The following SLC7A8 variants were observed in gnomAD, a reference collection of about 807,000 sequenced individuals.
The protein encoded by SLC7A8 is solute carrier family 7 member 8.
In SLC7A8, 30 loss-of-function variants were observed where a neutral mutation model predicts 51.2. The observed-to-expected ratio is 0.59, with a 90% confidence interval of 0.44 to 0.80. SLC7A8 has a LOEUF of 0.80. Ranked by LOEUF, SLC7A8 falls within the 30% of genes least tolerant of loss-of-function variation. The probability of loss-of-function intolerance (pLI) is 0.00; values close to 1 mark genes in which losing one functional copy is unlikely to be tolerated. For synonymous variants in SLC7A8, 257 were observed against 275.8 expected, an observed-to-expected ratio of 0.93 and a Z score of 0.67; for missense variants, 612 against 674.4, an observed-to-expected ratio of 0.91 and a Z score of 1.03.
intron 6 of SLC7A8, chr14:23,138,333 C>T (rs1027415480): frequency 3.6e-6 from 1 of 281,482 alleles, no homozygotes; most frequent in South Asian, 4.7e-5. Context: ...CCTAAGATTA[C>T]ACACCCAGCG....
At position 23,165,317 on chromosome 14, in the gene SLC7A8, G is replaced by C; in HGVS notation, c.476C>G (p.Ser159Cys). ...GATGGCAGCCAGGAGCCGAAGGCCA[G>C]ACTCTGGGGGGAAGCAGGTGGGGAA... ...PLFPTCFPPESGLRLLAAICL... is the reference protein window; with the variant it reads ...PLFPTCFPPECGLRLLAAICL... Residue 159 changes from serine to cysteine, a missense_variant, in exon 3 of 11, where the codon TCT (serine) becomes TGT (cysteine). Coordinates refer to ENST00000316902, the MANE Select transcript of SLC7A8 (RefSeq NM_012244.4). The surrounding 1 kb of genome is among the most constrained non-coding windows in gnomAD (Gnocchi z 4.2). 1 of 1,609,064 alleles carries C rather than the reference G, an allele frequency of 6.2e-7. No individual in the cohort carries two copies. Among genetic ancestry groups the C allele is most frequent in the East Asian group, 2.3e-5 (1 of 44,044 alleles).
At chr14:23,137,338 C>T (rs1408948129) in intron 7 of SLC7A8, among the ~76,000 whole-genome samples, 1 of 152,138 alleles carries the variant, frequency 6.6e-6, no homozygotes, top group Non-Finnish European at 1.5e-5. Context: ...TCACATTCTC[C>T]ACCTGAGTCT....
At chr14:23,131,387 G>T in intron 8 of SLC7A8, 74 bp downstream of exon 8, 1 of 1,281,226 alleles carries the variant, frequency 7.8e-7, no homozygotes, top group Non-Finnish European at 1.1e-6. Flanking sequence ...TGTGTGAAAA[G>T]CATGAACTCC....
rs1352415635 is a variant in SLC7A8, at chr14:23,140,487, G to A, written c.772C>T (p.Leu258Phe). 6.2e-7 allele frequency: 1 copy of A among 1,612,596 alleles called. No homozygotes were observed. Among genetic ancestry groups the A allele is most frequent in the Non-Finnish European group, 8.5e-7 (1 of 1,178,832 alleles). Residue 258 changes from leucine to phenylalanine, a missense_variant, in exon 5 of 11, where the codon CTT (leucine) becomes TTT (phenylalanine). Transcript: ENST00000316902. ...WNFLNYVTEE[L>F]VDPYKNLPRA... ...TCAACTCACTTGTAGGGATCAACAA[G>A]CTCCTCAGTCACGTAATTCAGAAAG...
rs1160426026 is a variant in SLC7A8 at position 23,183,067 on chromosome 14, C to A, written c.-153G>T. 4.9e-6 allele frequency: 3 copies of A among 614,810 alleles called. No individual in the cohort carries two copies. The highest frequency in any genetic ancestry group is 7.1e-6 in the Non-Finnish European group (3 of 420,456). 38.1% of individuals were successfully genotyped at this position (614,810 alleles called of 1,614,324 possible). A position where few individuals can be genotyped will look rare whatever the true frequency, so the allele number is the denominator to read the frequency against. On this transcript the variant is annotated 5_prime_UTR_variant, in exon 1 of 11. Transcript: ENST00000316902. ...AAAAAGGCAAGCAGATAAAAGAGAA[C>A]ACGAAAAATATTCCTACTCCGCATT...
chr14:23,128,121 C>T lies in SLC7A8; in HGVS notation c.1339G>A (p.Val447Met). ...ATGGCCAGGCCAATGCCACACACCACCGGCTCTGACCACAGGCTGAAGACC... is the reference window on the plus strand; with the variant it reads ...ATGGCCAGGCCAATGCCACACACCATCGGCTCTGACCACAGGCTGAAGACC... ...LLVFSLWSEP[V>M]VCGIGLAIML... Residue 447 changes from valine to methionine, a missense_variant, in exon 10 of 11, where the codon GTG (valine) becomes ATG (methionine). Coordinates refer to ENST00000316902, the MANE Select transcript of SLC7A8 (RefSeq NM_012244.4). This position sits in a 1 kb window ranked among gnomAD's most constrained non-coding sequence, Gnocchi z 4.3. 1.2e-6 allele frequency: 2 copies of T among 1,614,206 alleles called. No individual in the cohort carries two copies. The highest frequency in any genetic ancestry group is 1.7e-6 in the Non-Finnish European group (2 of 1,180,048).
At chr14:23,142,899 A>T (rs1462516933) in intron 4 of SLC7A8, among the ~76,000 whole-genome samples, 180 bp downstream of exon 4, 1 of 152,074 alleles carries the variant, frequency 6.6e-6, no homozygotes, top group Non-Finnish European at 1.5e-5. Flanking sequence ...ACTCCCAGCC[A>T]CCTCGGGGAA....
intron 3 of SLC7A8, among the ~76,000 whole-genome samples, chr14:23,155,814 A>G (rs2048888359): frequency 6.6e-6 from 1 of 151,660 alleles, no homozygotes; most frequent in African/African-American, 2.4e-5. Flanking sequence ...TCAGTCTTGG[A>G]AGACAGGGTG....
chr14:23,126,991 G>A lies in SLC7A8; in HGVS notation c.*186C>T. ...TGGGACATGGACCCTGGGGTGAGAG[G>A]CTGGTTCTTTGGGTATGAATGTCAG... On this transcript the variant is annotated 3_prime_UTR_variant, in exon 11 of 11. Coordinates refer to ENST00000316902, the MANE Select transcript of SLC7A8 (RefSeq NM_012244.4). The A allele has an allele frequency of 1.5e-6, 1 of 688,748 alleles. No homozygotes were observed. Among genetic ancestry groups the A allele is most frequent in the South Asian group, 1.9e-5 (1 of 53,902 alleles). The allele number at this position is 688,748 out of a possible 1,614,324, so 42.7% of individuals were successfully genotyped here.
chr14:23,174,579 TAGACTTGA>T (rs1174333623), intron 1 of SLC7A8, among the ~76,000 whole-genome samples: 1 of 152,246 alleles, frequency 6.6e-6, no homozygotes, highest in Non-Finnish European at 1.5e-5. Context: ...CAGCTTAAAA[TAGACTTGA>T]GGGATTATTT....
At chr14:23,145,614 T>C (rs1316077456) in intron 3 of SLC7A8, among the ~76,000 whole-genome samples, 2 of 152,076 alleles carry the variant, frequency 1.3e-5, no homozygotes, top group African/African-American at 4.8e-5. Context: ...GGACTTATCA[T>C]TGGCGCCTGC....
chr14:23,143,300 T>G, intron 3 of SLC7A8, 96 bp from the exon 4 acceptor site: 1 of 1,536,936 alleles, frequency 6.5e-7, no homozygotes, highest in Non-Finnish European at 8.8e-7. Flanking sequence ...ATCCTGACGA[T>G]GACATTGTAG....
At chr14:23,159,963 T>C (rs1328375117) in intron 3 of SLC7A8, among the ~76,000 whole-genome samples, 2 of 152,184 alleles carry the variant, frequency 1.3e-5, no homozygotes, top group Non-Finnish European at 2.9e-5. Context: ...AAGGAACTTC[T>C]TTAGGTCAAG....
chr14:23,166,252 C>T, intron 2 of SLC7A8, 84 bp downstream of exon 2: 1 of 1,467,092 alleles, frequency 6.8e-7, no homozygotes, highest in South Asian at 1.2e-5. Context: ...AAACCCCTGG[C>T]CTTGGCTTTT....
chr14:23,155,366 C>T (rs765689375), intron 3 of SLC7A8: 2 of 1,512,208 alleles, frequency 1.3e-6, no homozygotes, highest in Non-Finnish European at 1.8e-6. Flanking sequence ...CATCCCCTCC[C>T]CTCCTCCCTT....
intron 3 of SLC7A8, chr14:23,155,070 G>T: frequency 1.0e-6 from 1 of 987,470 alleles, no homozygotes; most frequent in Non-Finnish European, 1.4e-6. Flanking sequence ...CTTCTATAAA[G>T]TGCACAGTGG....
chr14:23,168,809 T>C (rs1197171049), intron 1 of SLC7A8, among the ~76,000 whole-genome samples: 7 of 152,144 alleles, frequency 4.6e-5, no homozygotes, highest in African/African-American at 1.4e-4. Flanking sequence ...TCTCTTCTGT[T>C]TTCACTCTGA....
At chr14:23,178,262 C>T (rs73600418) in intron 1 of SLC7A8, among the ~76,000 whole-genome samples, 5,396 of 152,230 alleles carry the variant, frequency 0.035, 307 homozygotes, top group African/African-American at 0.12. Flanking sequence ...TGCTGTCCTC[C>T]GCACCCTCTT....
chr14:23,134,816 G>A (rs1197034725), intron 7 of SLC7A8, among the ~76,000 whole-genome samples: 3 of 152,210 alleles, frequency 2.0e-5, no homozygotes, highest in African/African-American at 7.2e-5. Context: ...ATAATAAGGA[G>A]AGATCCTATG....
Sources: gnomAD v4.1 joint callset for allele counts (sites outside exome capture counted in the v4.1 genomes callset) on GRCh38, gnomAD v4.1.1 for gene constraint, Gnocchi (gnomAD v3.1) non-coding constraint, MANE v1.5 for transcripts, NCBI Gene and HGNC (gene_info 2026-07-23, HGNC 2026-07-21) for gene names.